DMD: variants seen among roughly 807,000 people sequenced by gnomAD.
DMD encodes mutant dystrophin.
A neutral mutation model predicts 330.1 loss-of-function variants in DMD; 63 were observed. The ratio of observed to expected loss-of-function variants is 0.19; its 90% CI spans 0.16 to 0.24. DMD has a LOEUF of 0.24. DMD is among the 10% of genes least tolerant of loss of function. DMD has a pLI of 1.00. For synonymous variants in DMD, 1,223 were observed against 959.8 expected (o/e 1.27, Z -5.07); for missense variants, 3,344 against 2,684.1 (o/e 1.25, Z -5.43).
chrX:31,134,138 T>C lies in DMD; in HGVS notation c.10978A>G (p.Met3660Val). 3.3e-6 allele frequency: 4 copies of C among 1,211,278 alleles called. No individual in the cohort carries two copies. In the South Asian group the frequency reaches 5.3e-5, roughly 16 times the overall value. ...GGGAAGGAGTTGTTGAGTTGCTCCA[T>C]CACCTCCTCTAACCCTGTGCTTGTG... ...QDTSTGLEEV[M>V]EQLNNSFPSS... is the part of the protein sequence containing the mutation. The change falls in exon 77 of 79, where the codon ATG (methionine) becomes GTG (valine). Residue 3660 changes from methionine (M) to valine (V), a missense_variant. Met to Val is a conservative substitution (Grantham distance 21). Transcript: ENST00000357033.
At position 32,629,502 on chromosome X, in the gene DMD, T is replaced by C. The variant is rs768263908; in HGVS notation, c.1331+14630A>G. On this transcript the variant is annotated intron_variant, in intron 11 of 78. Transcript: ENST00000357033. ...CTCAATGTATTTAGATTGGATAGTT[T>C]AGTCAATTTACATTCCATGTTATCA... Among the ~76,000 whole-genome samples the C allele has an allele frequency of 6.3e-5, 7 of 111,655 alleles. No homozygotes were observed. The East Asian group carries it at 1.4e-3, about 22-fold the overall frequency.
In DMD at chrX:32,970,620, C is replaced by T. The variant is rs188318500; in HGVS notation, c.93+49519G>A. Among the ~76,000 whole-genome samples the T allele has an allele frequency of 4.0e-4, 37 of 91,502 alleles. 9 individuals are homozygous for T. The East Asian group carries it at 0.011, about 28-fold the overall frequency. 79.5% of individuals were successfully genotyped at this position (91,502 alleles called of 115,157 possible). A position where few individuals can be genotyped will look rare whatever the true frequency, so the allele number is the denominator to read the frequency against. ...CTGCACTCCAGCCTGGGTGACAGAG[C>T]GAGACTCCATCTCAAATAATACTGA... is the stretch of plus-strand genomic sequence containing the variant. On this transcript the variant is annotated intron_variant, in intron 2 of 78. Coordinates refer to ENST00000357033, the MANE Select transcript of DMD (RefSeq NM_004006.3).
At chrX:32,774,025 G>A (rs1416178873) in intron 7 of DMD, among the ~76,000 whole-genome samples, 1 of 111,137 alleles carries the variant, frequency 9.0e-6, no homozygotes, top group Non-Finnish European at 1.9e-5. Context: ...AGGAACATAG[G>A]AAAGTCGGTT....
intron 52 of DMD, among the ~76,000 whole-genome samples, chrX:31,704,193 G>T (rs905031308): frequency 9.0e-6 from 1 of 111,264 alleles, no homozygotes; most frequent in African/African-American, 3.3e-5. Context: ...ATATGTAAAT[G>T]AACTTTTAAA....
chrX:31,429,263 A>G (rs987019730), intron 60 of DMD, among the ~76,000 whole-genome samples: 1 of 112,165 alleles, frequency 8.9e-6, no homozygotes, highest in African/African-American at 3.2e-5. Context: ...ATTTATCAGT[A>G]TTGCTCATGG....
At chrX:32,733,524 C>T (rs2068004685) in intron 7 of DMD, among the ~76,000 whole-genome samples, 1 of 111,047 alleles carries the variant, frequency 9.0e-6, no homozygotes, top group Admixed American at 9.5e-5. Context: ...TAAAGCTCTC[C>T]TCAGCAAATG....
chrX:31,822,652 GGGT>G (rs1327330377), intron 49 of DMD, among the ~76,000 whole-genome samples: 2,494 of 68,362 alleles, frequency 0.036, 26 homozygotes, highest in Non-Finnish European at 0.04. Context: ...AAAGGCAGAG[GGGT>G]GTGTGTGTGT....
intron 44 of DMD, among the ~76,000 whole-genome samples, chrX:32,089,153 A>T (rs2096459730): frequency 9.0e-6 from 1 of 111,222 alleles, no homozygotes; most frequent in African/African-American, 3.3e-5. Flanking sequence ...ATCGCAGGCA[A>T]GACACAGAAC....
Position 31,121,117 on chromosome X carries a change from T to G in DMD, c.*802A>C. On this transcript the variant is annotated 3_prime_UTR_variant, in exon 79 of 79. Transcript: ENST00000357033. ...AAGCAGGTAAGCCTGGATGACTGAC[T>G]AGAAGTAATTTCTTTCTATTAGGAT... The G allele has an allele frequency of 8.9e-6, 1 of 112,138 alleles. No homozygotes were observed. The highest frequency in any genetic ancestry group is 1.9e-5 in the Non-Finnish European group (1 of 53,176). The allele number at this position is 112,138 out of a possible 1,213,427, so 9.2% of individuals were successfully genotyped here.
At chrX:33,205,055 G>A (rs867151086) in intron 1 of DMD, among the ~76,000 whole-genome samples, 11 of 111,993 alleles carry the variant, frequency 9.8e-5, no homozygotes, top group African/African-American at 3.6e-4. Flanking sequence ...GCCCTTCAGC[G>A]TCTACTAAAT....
intron 50 of DMD, among the ~76,000 whole-genome samples, chrX:31,789,450 C>T (rs1201395193): frequency 3.6e-5 from 4 of 111,243 alleles, no homozygotes; most frequent in Non-Finnish European, 7.6e-5. Context: ...TAGCTATAAG[C>T]ACATTGGGAT....
intron 44 of DMD, among the ~76,000 whole-genome samples, chrX:32,027,983 C>A (rs2095858688): frequency 8.9e-6 from 1 of 111,842 alleles, no homozygotes; most frequent in African/African-American, 3.3e-5. Context: ...TAATAAAAGT[C>A]ACTATGAAGA....
At chrX:32,794,445 CG>C (rs2076042474) in intron 7 of DMD, among the ~76,000 whole-genome samples, 1 of 110,874 alleles carries the variant, frequency 9.0e-6, no homozygotes, top group Non-Finnish European at 1.9e-5. Flanking sequence ...AAAAATTAGC[CG>C]GGCATGGTGG....
chrX:32,114,734 T>G (rs1398808473), intron 44 of DMD, among the ~76,000 whole-genome samples: 2 of 112,250 alleles, frequency 1.8e-5, no homozygotes, highest in African/African-American at 6.5e-5. Flanking sequence ...TTGATGCTGT[T>G]CTACCTGACT....
At chrX:31,192,348 G>C (rs768599160) in intron 67 of DMD, among the ~76,000 whole-genome samples, 1 of 112,320 alleles carries the variant, frequency 8.9e-6, no homozygotes, top group East Asian at 2.8e-4. Flanking sequence ...TTTTACCTTT[G>C]AGTTACTGAG....
intron 16 of DMD, among the ~76,000 whole-genome samples, chrX:32,563,511 T>A (rs184863281): frequency 1.2e-3 from 136 of 111,247 alleles, no homozygotes; most frequent in Non-Finnish European, 2.1e-3. Flanking sequence ...AAGAGATACA[T>A]GCTGTAATGC....
chrX:32,063,073 A>G (rs1373362709), intron 44 of DMD, among the ~76,000 whole-genome samples: 2 of 110,640 alleles, frequency 1.8e-5, no homozygotes, highest in Non-Finnish European at 3.8e-5. Context: ...AATTAAGTCA[A>G]TTCAGCTTTT....
At chrX:32,845,854 A>G (rs2080608924) in intron 3 of DMD, among the ~76,000 whole-genome samples, 1 of 112,314 alleles carries the variant, frequency 8.9e-6, no homozygotes, top group African/African-American at 3.2e-5. Flanking sequence ...TATTAGCAAG[A>G]GGCATACACA....
chrX:32,145,500 G>A (rs1355722944), intron 44 of DMD, among the ~76,000 whole-genome samples: 1 of 112,244 alleles, frequency 8.9e-6, no homozygotes, highest in East Asian at 2.8e-4. Context: ...GTGTCTGAAA[G>A]CTTCTTGCTC....
Sources: allele counts gnomAD v4.1 joint callset (sites outside exome capture counted in the v4.1 genomes callset), GRCh38; gene constraint gnomAD v4.1.1; transcripts MANE v1.5; gene names NCBI Gene and HGNC (gene_info 2026-07-23, HGNC 2026-07-21).